CCDC125: variants seen among roughly 807,000 people sequenced by gnomAD.
The protein encoded by CCDC125 is coiled-coil domain containing 125, also known as coiled-coil domain-containing protein 125.
CCDC125 carries 43 observed loss-of-function variants against 57.4 expected under a neutral mutation model. The observed-to-expected ratio is 0.75, with a 90% CI of 0.59 to 0.97. The LOEUF (loss-of-function observed/expected upper bound fraction) is 0.97, where lower values mean the gene tolerates loss of function less well. CCDC125 is among the 50% of genes least tolerant of loss of function. CCDC125 has a pLI of 0.00. For synonymous variants in CCDC125, 187 were observed against 195.2 expected (o/e 0.96, Z 0.35); for missense variants, 563 against 595.7 (o/e 0.95, Z 0.57).
chr5:69,281,790 CAAGCT>C lies in CCDC125; in HGVS notation c.*934_*938del, dbSNP rs936815448. ...TACATTGCTATATTGTTGATTTAGCCAAGCTAAGATCCCTATAGTCAATCAAAATA... is the reference window on the plus strand; with the variant it reads ...TACATTGCTATATTGTTGATTTAGCCAAGATCCCTATAGTCAATCAAAATA... On this transcript the variant is annotated 3_prime_UTR_variant, in exon 12 of 12. Coordinates refer to ENST00000396496, the MANE Select transcript of CCDC125 (RefSeq NM_176816.5). 2.6e-5 allele frequency: 4 copies of C among 152,012 alleles called. No individual in the cohort carries two copies. Among genetic ancestry groups the C allele is most frequent in the African/African-American group, 9.7e-5 (4 of 41,356 alleles). The allele number at this position is 152,012 out of a possible 1,614,324, so 9.4% of individuals were successfully genotyped here. A position where few individuals can be genotyped will look rare whatever the true frequency, so the allele number is the denominator to read the frequency against.
chr5:69,283,462 AG>A (rs1752777584), intron 11 of CCDC125, among the ~76,000 whole-genome samples: 2 of 151,744 alleles, frequency 1.3e-5, no homozygotes, highest in East Asian at 1.9e-4. Context: ...CCTTGTGATC[AG>A]CCCACCTTGG....
At chr5:69,277,462 G>T, downstream of CCDC125, 1 of 199,238 alleles carries the variant, frequency 5.0e-6, no homozygotes. Context: ...GTAGTAGCAT[G>T]GGTAGTGTTT....
At chr5:69,324,909 C>T (rs1760535577) in intron 1 of CCDC125, among the ~76,000 whole-genome samples, 1 of 152,124 alleles carries the variant, frequency 6.6e-6, no homozygotes, top group Non-Finnish European at 1.5e-5. Context: ...GGAAAACTAA[C>T]ACACAATGAT....
chr5:69,298,521 T>C (rs1056674056), intron 8 of CCDC125, among the ~76,000 whole-genome samples: 25 of 152,180 alleles, frequency 1.6e-4, no homozygotes, highest in Admixed American at 2.6e-4. Flanking sequence ...AAAGGTCTTT[T>C]CCCTTTTCAT....
At chr5:69,277,906 G>A (rs1752285850), downstream of CCDC125, among the ~76,000 whole-genome samples, 1 of 152,140 alleles carries the variant, frequency 6.6e-6, no homozygotes, top group Non-Finnish European at 1.5e-5. Context: ...TGAGGCGGGG[G>A]ACAAAGTCTC....
chr5:69,329,580 TGCAA>T (rs1761165312), intron 1 of CCDC125, among the ~76,000 whole-genome samples: 1 of 144,716 alleles, frequency 6.9e-6, no homozygotes, highest in African/African-American at 2.5e-5. Context: ...CACGGCTCAC[TGCAA>T]CCTCTGCCTC....
At chr5:69,297,180 G>A (rs1755485082) in intron 8 of CCDC125, among the ~76,000 whole-genome samples, 1 of 151,966 alleles carries the variant, frequency 6.6e-6, no homozygotes, top group Admixed American at 6.6e-5. Flanking sequence ...GAGATTTCAG[G>A]CATATGCCAC....
At chr5:69,306,410 C>G (rs889146646) in intron 6 of CCDC125, among the ~76,000 whole-genome samples, 1 of 152,116 alleles carries the variant, frequency 6.6e-6, no homozygotes, top group African/African-American at 2.4e-5. Context: ...CTCACTGCAG[C>G]CTCCAACTCC....
Position 69,282,864 on chromosome 5 carries a change from CA to C in CCDC125, c.1400del (p.Leu467TrpfsTer12). The C allele has an allele frequency of 6.2e-7, 1 of 1,614,044 alleles. No homozygotes were observed. The highest frequency in any genetic ancestry group is 8.5e-7 in the Non-Finnish European group (1 of 1,180,008). ...AGACACTTGAATGTATAGGATCACC[CA>C]AAACAGAGAATTCTGAAGTCTTACG... Reference protein sequence around the residue: ...PWRKTSEFSVLGDPIHSSVCI... With the variant: ...PWRKTSEFSVXGDPIHSSVCI... On this transcript the variant is annotated frameshift_variant, in exon 12 of 12. Coordinates refer to ENST00000396496, the MANE Select transcript of CCDC125 (RefSeq NM_176816.5). LOFTEE classifies it low-confidence loss of function (END_TRUNC).
At chr5:69,328,016 C>G (rs1276636549) in intron 1 of CCDC125, among the ~76,000 whole-genome samples, 2 of 152,178 alleles carry the variant, frequency 1.3e-5, no homozygotes, top group Non-Finnish European at 2.9e-5. Context: ...TGTGCCTCAG[C>G]CTCCCAGGTA....
At chr5:69,325,600 C>T (rs866103624) in intron 1 of CCDC125, among the ~76,000 whole-genome samples, 1 of 150,268 alleles carries the variant, frequency 6.7e-6, no homozygotes, top group African/African-American at 2.5e-5. Flanking sequence ...TCGAGGTGGG[C>T]GGATCACGAG....
chr5:69,304,561 G>T (rs570657027), intron 6 of CCDC125, among the ~76,000 whole-genome samples: 5 of 151,872 alleles, frequency 3.3e-5, no homozygotes, highest in Non-Finnish European at 7.4e-5. Context: ...GAGTAGCTAG[G>T]ATTACAGGCG....
chr5:69,322,860 CA>C (rs1760249418), intron 1 of CCDC125, among the ~76,000 whole-genome samples: 1 of 151,684 alleles, frequency 6.6e-6, no homozygotes, highest in Non-Finnish European at 1.5e-5. Flanking sequence ...CGCACTGGCC[CA>C]AAAATTTTTT....
intron 4 of CCDC125, 40 bp downstream of exon 4, chr5:69,311,078 G>T: frequency 1.5e-6 from 2 of 1,304,538 alleles, no homozygotes; most frequent in Non-Finnish European, 2.2e-6. Flanking sequence ...CATTATTATT[G>T]GAATGTGTAA....
intron 10 of CCDC125, among the ~76,000 whole-genome samples, chr5:69,290,485 T>A (rs1422140877): frequency 6.6e-6 from 1 of 151,348 alleles, no homozygotes; most frequent in Non-Finnish European, 1.5e-5. Context: ...GTATTTTTAG[T>A]AGAGATGGGG....
At chr5:69,308,257 A>G (rs1174724804) in intron 4 of CCDC125, 1 of 565,960 alleles carries the variant, frequency 1.8e-6, no homozygotes, top group Admixed American at 3.0e-5. Flanking sequence ...CCACACAAAG[A>G]AAGTGTTCAG....
intron 2 of CCDC125, among the ~76,000 whole-genome samples, chr5:69,319,722 C>T (rs180950084): frequency 0.01 from 1,551 of 151,814 alleles, 24 homozygotes; most frequent in African/African-American, 0.036. Context: ...ACCTTGTGAT[C>T]CACCTGCCTC....
chr5:69,314,164 G>A, intron 2 of CCDC125, 118 bp from the exon 3 acceptor site: 1 of 725,206 alleles, frequency 1.4e-6, no homozygotes, highest in Non-Finnish European at 2.4e-6. Context: ...ATTGCAAAGA[G>A]AAGAGAATTA....
In CCDC125 at chr5:69,320,560, T is replaced by C; in HGVS notation, c.-20A>G. On this transcript the variant is annotated 5_prime_UTR_variant, in exon 2 of 12. Transcript: ENST00000396496. ...GCTCATGAGCCAAATGCCGTCTTTA[T>C]CATAAGAAAAAATGGGCTGTCTGTA... 1.3e-6 allele frequency: 2 copies of C among 1,565,414 alleles called. No individual in the cohort carries two copies. Among genetic ancestry groups the C allele is most frequent in the East Asian group, 4.5e-5 (2 of 44,500 alleles).
Sources: gnomAD v4.1 joint callset for allele counts (sites outside exome capture counted in the v4.1 genomes callset) on GRCh38, gnomAD v4.1.1 for gene constraint, MANE v1.5 for transcripts, NCBI Gene and HGNC (gene_info 2026-07-23, HGNC 2026-07-21) for gene names.